Variants in ABCD2 observed in about 807,000 individuals in gnomAD.
ABCD2 encodes the protein ATP binding cassette subfamily D member 2.
ABCD2 carries 36 observed loss-of-function variants against 70.9 expected under a neutral mutation model. That is an observed-to-expected ratio of 0.51 (90% CI 0.39 to 0.67). The LOEUF is 0.67. Among genes scored for constraint, ABCD2 ranks in the 30% least tolerant of loss-of-function variants. The pLI, the probability that ABCD2 is intolerant of heterozygous loss-of-function variation, is 0.00. For missense variants in ABCD2, 729 were observed against 890.2 expected (o/e 0.82, Z 2.30); for synonymous variants, 304 against 306.9 (o/e 0.99, Z 0.10).
rs1303406066 is a variant in ABCD2, at chr12:39,581,522, G to C, written c.1793-1903C>G. Among the ~76,000 whole-genome samples the C allele has an allele frequency of 2.0e-5, 3 of 152,238 alleles. No homozygotes were observed. The East Asian group carries it at 5.8e-4, about 29-fold the overall frequency. On this transcript the variant is annotated intron_variant, in intron 7 of 9. Coordinates refer to ENST00000308666, the MANE Select transcript of ABCD2 (RefSeq NM_005164.4). ...TAATCTTAAAATACCATCTGATTTA[G>C]AGTTCTTGCTTCTAGGGAAAACTGT...
At chr12:39,561,134 G>A (rs1029783467) in intron 9 of ABCD2, among the ~76,000 whole-genome samples, 4 of 152,030 alleles carry the variant, frequency 2.6e-5, no homozygotes, top group South Asian at 2.1e-4. Flanking sequence ...AGTGGCTCAC[G>A]TCTGTAATCT....
chr12:39,565,652 C>A (rs940448155), intron 9 of ABCD2, among the ~76,000 whole-genome samples: 1 of 152,146 alleles, frequency 6.6e-6, no homozygotes, highest in Non-Finnish European at 1.5e-5. Flanking sequence ...CTGGCCAGAA[C>A]TTCTAACACT....
chr12:39,608,533 C>G (rs187432943), intron 2 of ABCD2, among the ~76,000 whole-genome samples: 1 of 151,608 alleles, frequency 6.6e-6, no homozygotes, highest in Non-Finnish European at 1.5e-5. Flanking sequence ...CCAAAAAAAA[C>G]GAAGATTAGC....
chr12:39,569,963 C>G (rs1231686354), intron 9 of ABCD2, among the ~76,000 whole-genome samples: 3 of 152,028 alleles, frequency 2.0e-5, no homozygotes, highest in Non-Finnish European at 4.4e-5. Flanking sequence ...TGAAAAAAAT[C>G]AAGGAAACAA....
intron 2 of ABCD2, 36 bp from the exon 3 acceptor site, chr12:39,607,750 T>G (rs771973478): frequency 6.8e-6 from 9 of 1,328,534 alleles, no homozygotes; most frequent in Middle Eastern, 1.8e-4. Context: ...CTTGAGTTTT[T>G]TTTTTTTTTT....
chr12:39,591,119 T>A (rs1941740249), intron 6 of ABCD2, among the ~76,000 whole-genome samples: 2 of 152,190 alleles, frequency 1.3e-5, no homozygotes, highest in Admixed American at 6.5e-5. Context: ...TACTGCTGTG[T>A]TGTCGTAGCA....
chr12:39,561,641 A>C (rs959583221), intron 9 of ABCD2, among the ~76,000 whole-genome samples: 2 of 152,210 alleles, frequency 1.3e-5, no homozygotes, highest in Non-Finnish European at 2.9e-5. Context: ...AGGTCAATTC[A>C]GCAAGAAGAT....
chr12:39,594,768 G>A (rs1941792572), intron 6 of ABCD2, among the ~76,000 whole-genome samples: 1 of 152,062 alleles, frequency 6.6e-6, no homozygotes, highest in Non-Finnish European at 1.5e-5. Context: ...GAGGCCAGGA[G>A]TTCGAGACCG....
At chr12:39,566,139 CTCATAAAATGAGTTAGGGAGGAT>C (rs1255845220) in intron 9 of ABCD2, among the ~76,000 whole-genome samples, 1 of 152,110 alleles carries the variant, frequency 6.6e-6, no homozygotes, top group Admixed American at 6.5e-5. Context: ...TGATGCTGGC[CTCATAAAATGAGTTAGGGAGGAT>C]TCGCTCTTTT....
intron 6 of ABCD2, among the ~76,000 whole-genome samples, chr12:39,588,692 A>G (rs868505876): frequency 1.1e-4 from 16 of 152,188 alleles, no homozygotes; most frequent in Non-Finnish European, 1.5e-4. Flanking sequence ...TATTTCTGTA[A>G]AAAGTTTATA....
chr12:39,563,400 C>T (rs1591968670), intron 9 of ABCD2, among the ~76,000 whole-genome samples: 1 of 151,870 alleles, frequency 6.6e-6, no homozygotes, highest in Non-Finnish European at 1.5e-5. Context: ...TCTAAACAAA[C>T]AAACAAACAA....
At chr12:39,556,982 CAAA>C (rs57091997) in intron 9 of ABCD2, among the ~76,000 whole-genome samples, 5 of 110,680 alleles carry the variant, frequency 4.5e-5, no homozygotes, top group Admixed American at 1.9e-4. Context: ...GACTCTGTCT[CAAA>C]AAAAAAAAAA....
chr12:39,547,905 T>TATGTGC (rs533751273), downstream of ABCD2, among the ~76,000 whole-genome samples: 161 of 151,670 alleles, frequency 1.1e-3, no homozygotes, highest in Non-Finnish European at 1.8e-3. Flanking sequence ...TGTATATGTG[T>TATGTGC]ATGTGCATGT....
chr12:39,591,026 CAA>C lies in ABCD2; in HGVS notation c.1647-4731_1647-4730del, dbSNP rs567578747. Among the ~76,000 whole-genome samples, 1,049 of 152,118 alleles carry C rather than the reference CAA, an allele frequency of 6.9e-3. 7 individuals carry two copies. The highest frequency in any genetic ancestry group is 0.025 in the South Asian group (121 of 4,810). On this transcript the variant is annotated intron_variant, in intron 6 of 9. Transcript: ENST00000308666. ...GTAATCATATAAAATTTAATTGGAA[CAA>C]TATTGATAAAAATTTTGCAGCAATG...
chr12:39,571,370 G>A (rs1045131911), intron 9 of ABCD2, among the ~76,000 whole-genome samples: 1 of 152,008 alleles, frequency 6.6e-6, no homozygotes, highest in Non-Finnish European at 1.5e-5. Flanking sequence ...TATACATGAT[G>A]GAATACTACT....
chr12:39,618,998 A>G lies in ABCD2; in HGVS notation c.618T>C (p.Pro206=), dbSNP rs754516645. 1 of 1,614,260 alleles carries G rather than the reference A, an allele frequency of 6.2e-7. No individual in the cohort carries two copies. The highest frequency in any genetic ancestry group is 1.1e-5 in the South Asian group (1 of 91,086). ...TAATATCCTCCGTAAGAGATTGGTC[A>G]GGGTTTGCCAGCCTCCCATCCATAT... ...VINMDGRLAN[P]DQSLTEDIMM... The change falls in exon 1 of 10, where the codon CCT becomes CCC. Residue 206 remains proline, a synonymous_variant. Transcript: ENST00000308666.
chr12:39,549,217 T>G (rs1039592390), downstream of ABCD2, among the ~76,000 whole-genome samples: 2 of 151,974 alleles, frequency 1.3e-5, no homozygotes, highest in Non-Finnish European at 2.9e-5. Flanking sequence ...ATCATGAAGA[T>G]TGTGAAGCCC....
rs1215282744 is a variant in ABCD2 at position 39,551,937 on chromosome 12, TA to T, written c.*1974del. 4 of 151,830 alleles carry T rather than the reference TA, an allele frequency of 2.6e-5. No homozygotes were observed. Among genetic ancestry groups the T allele is most frequent in the African/African-American group, 9.7e-5 (4 of 41,424 alleles). 9.4% of individuals were successfully genotyped at this position (151,830 alleles called of 1,614,324 possible). On this transcript the variant is annotated 3_prime_UTR_variant, in exon 10 of 10. Transcript: ENST00000308666. Reference sequence around the variant, plus strand: ...CTTCTTGTACCTTTAAAAGTTAACTTAAAACACTTGCCTCAGACTTTTGCCC... The same window carrying T: ...CTTCTTGTACCTTTAAAAGTTAACTTAAACACTTGCCTCAGACTTTTGCCC...
chr12:39,545,059 C>T (rs1478564700), downstream of ABCD2, among the ~76,000 whole-genome samples: 1 of 152,116 alleles, frequency 6.6e-6, no homozygotes, highest in African/African-American at 2.4e-5. Flanking sequence ...CAACAGTGTA[C>T]TATAGTTTTT....
Sources: allele counts gnomAD v4.1 joint callset (sites outside exome capture counted in the v4.1 genomes callset), GRCh38; gene constraint gnomAD v4.1.1; transcripts MANE v1.5; gene names NCBI Gene and HGNC (gene_info 2026-07-23, HGNC 2026-07-21).